The following HM13 variants were observed in gnomAD, a reference collection of about 807,000 sequenced individuals.
HM13 encodes the protein histocompatibility minor 13.
HM13 carries 18 observed loss-of-function variants against 50.0 expected under a neutral mutation model. The observed-to-expected ratio is 0.36, with a 90% confidence interval of 0.25 to 0.53. The LOEUF is 0.53. Among genes scored for constraint, HM13 ranks in the 20% least tolerant of loss-of-function variants. The probability of loss-of-function intolerance (pLI) is 0.90; values close to 1 mark genes in which losing one functional copy is unlikely to be tolerated. For synonymous variants in HM13, 197 were observed against 232.6 expected (o/e 0.85, Z 1.39); for missense variants, 393 against 552.4 (o/e 0.71, Z 2.89).
At chr20:31,546,366 A>T (rs1432519157) in intron 4 of HM13, among the ~76,000 whole-genome samples, 1 of 151,996 alleles carries the variant, frequency 6.6e-6, no homozygotes, top group Non-Finnish European at 1.5e-5. Context: ...TGCCTAGCAC[A>T]TGCTGCCTTG....
intron 3 of HM13, 30 bp from the exon 4 acceptor site, chr20:31,544,917 T>A (rs1983627564): frequency 1.9e-6 from 3 of 1,602,578 alleles, no homozygotes; most frequent in Non-Finnish European, 2.6e-6. Context: ...GGGGGCTCTG[T>A]TTGCCGACTT....
chr20:31,519,220 G>C (rs1434557636), intron 1 of HM13, among the ~76,000 whole-genome samples: 1 of 152,160 alleles, frequency 6.6e-6, no homozygotes, highest in African/African-American at 2.4e-5. Flanking sequence ...TTCTGCCTCA[G>C]CCTCCCGAGT....
chr20:31,546,181 C>T (rs1983705454), intron 4 of HM13, among the ~76,000 whole-genome samples: 1 of 151,378 alleles, frequency 6.6e-6, no homozygotes, highest in South Asian at 2.1e-4. Flanking sequence ...TCCCGAGTAG[C>T]TGGGACTACA....
At chr20:31,528,455 T>A (rs1229095577) in intron 2 of HM13, among the ~76,000 whole-genome samples, 2 of 152,068 alleles carry the variant, frequency 1.3e-5, no homozygotes, top group Non-Finnish European at 2.9e-5. Flanking sequence ...TAGCTGGGAT[T>A]ATAGGCACGC....
intron 8 of HM13, among the ~76,000 whole-genome samples, chr20:31,557,621 ACTC>A (rs1408321622): frequency 1.3e-5 from 2 of 148,246 alleles, no homozygotes; most frequent in African/African-American, 5.1e-5. Context: ...CCAACTCCCT[ACTC>A]CTACAGAGTA....
At chr20:31,560,905 G>A (rs926984248) in intron 9 of HM13, among the ~76,000 whole-genome samples, 2 of 152,238 alleles carry the variant, frequency 1.3e-5, no homozygotes, top group Non-Finnish European at 2.9e-5. Flanking sequence ...TGTTAATTGA[G>A]TCCATAGTAC....
Position 31,514,646 on chromosome 20 carries a change from T to C in HM13, c.95T>C (p.Ile32Thr), listed in dbSNP as rs746215329. 2.5e-5 allele frequency: 39 copies of C among 1,574,092 alleles called. No homozygotes were observed. The highest frequency in any genetic ancestry group is 3.2e-5 in the Non-Finnish European group (37 of 1,161,162). Residue 32 changes from isoleucine to threonine, a missense_variant, in exon 1 of 13, where the codon ATC becomes ACC. Ile to Thr is a moderately conservative substitution (Grantham distance 89, BLOSUM62 -1). Transcript: ENST00000398174. The surrounding 1 kb of genome is among the most constrained non-coding windows in gnomAD (Gnocchi z 4.3). ...CGGCCGCCTTCCACGCCCGAGGGCA[T>C]CGCGCTGGCCTACGGCAGCCTCCTG... The part of the protein sequence containing the change: ...TTRPPSTPEG[I>T]ALAYGSLLLM...
intron 2 of HM13, among the ~76,000 whole-genome samples, chr20:31,529,391 G>C (rs1279117058): frequency 6.6e-6 from 1 of 151,372 alleles, no homozygotes; most frequent in Non-Finnish European, 1.5e-5. Flanking sequence ...ACTACAAGGC[G>C]TGCACCACCA....
chr20:31,553,552 G>A (rs1323906472), intron 7 of HM13, among the ~76,000 whole-genome samples: 3 of 152,082 alleles, frequency 2.0e-5, no homozygotes, highest in East Asian at 3.9e-4. Context: ...ACAAAACTAA[G>A]GCAGGTAAGT....
intron 10 of HM13, among the ~76,000 whole-genome samples, chr20:31,565,756 C>T (rs577885036): frequency 6.6e-6 from 1 of 152,236 alleles, no homozygotes; most frequent in East Asian, 1.9e-4. Context: ...GAGCCAGTGA[C>T]CAGCTAGGTC....
intron 1 of HM13, among the ~76,000 whole-genome samples, chr20:31,523,598 T>G (rs1982311411): frequency 6.6e-6 from 1 of 152,174 alleles, no homozygotes; most frequent in African/African-American, 2.4e-5. Flanking sequence ...AGAATACGTG[T>G]TCCCTGTAAT....
chr20:31,533,904 G>A (rs1319806896), intron 2 of HM13, among the ~76,000 whole-genome samples: 1 of 152,136 alleles, frequency 6.6e-6, no homozygotes, highest in Non-Finnish European at 1.5e-5. Flanking sequence ...TTTACAGGCA[G>A]GGTCTTACTC....
intron 1 of HM13, among the ~76,000 whole-genome samples, chr20:31,522,226 A>G (rs920312950): frequency 7.2e-5 from 11 of 152,160 alleles, no homozygotes; most frequent in Admixed American, 5.2e-4. Context: ...CTGCATGTGC[A>G]TATCTTTCTG....
At chr20:31,551,029 C>A (rs748980502) in intron 7 of HM13, among the ~76,000 whole-genome samples, 2 of 152,100 alleles carry the variant, frequency 1.3e-5, no homozygotes, top group Non-Finnish European at 2.9e-5. Context: ...TATAAAACTA[C>A]CTTCAAGCTA....
At chr20:31,547,246 C>T (rs748928940) in intron 4 of HM13, 5 of 197,044 alleles carry the variant, frequency 2.5e-5, no homozygotes, top group Admixed American at 6.2e-5. Flanking sequence ...ACTGTTTCAG[C>T]GATCCTCATT....
At chr20:31,568,811 C>T (rs913420800) in intron 12 of HM13, among the ~76,000 whole-genome samples, 1 of 152,230 alleles carries the variant, frequency 6.6e-6, no homozygotes, top group Non-Finnish European at 1.5e-5. Context: ...TTCCACGCTA[C>T]AGCAGAAGGT....
At chr20:31,529,539 C>G (rs1312558430) in intron 2 of HM13, among the ~76,000 whole-genome samples, 1 of 152,172 alleles carries the variant, frequency 6.6e-6, no homozygotes, top group Non-Finnish European at 1.5e-5. Context: ...GCCACCACAC[C>G]TGGCCCCTTT....
intron 1 of HM13, among the ~76,000 whole-genome samples, chr20:31,526,399 C>T (rs1218555417): frequency 6.6e-6 from 1 of 152,068 alleles, no homozygotes; most frequent in Admixed American, 6.6e-5. Context: ...CCTTGTGATC[C>T]ACCCGCCTCG....
At chr20:31,533,081 T>TC (rs1425465965) in intron 2 of HM13, among the ~76,000 whole-genome samples, 4 of 152,064 alleles carry the variant, frequency 2.6e-5, no homozygotes, top group African/African-American at 9.7e-5. Flanking sequence ...CCTCCTGGCC[T>TC]CCCCCCTGAC....
Sources: gnomAD v4.1 joint callset for allele counts (sites outside exome capture counted in the v4.1 genomes callset) on GRCh38, gnomAD v4.1.1 for gene constraint, Gnocchi (gnomAD v3.1) non-coding constraint, MANE v1.5 for transcripts, NCBI Gene and HGNC (gene_info 2026-07-23, HGNC 2026-07-21) for gene names.